Variants in RBM20 observed in about 807,000 individuals in gnomAD.
RBM20 encodes RNA-binding protein 20.
In RBM20, 51 loss-of-function variants were observed where a neutral mutation model predicts 110.1. The observed-to-expected ratio is 0.46, with a 90% confidence interval of 0.37 to 0.59. The LOEUF (loss-of-function observed/expected upper bound fraction) is 0.59. RBM20 is among the 20% of genes least tolerant of loss of function. The pLI, the probability that RBM20 is intolerant of heterozygous loss-of-function variation, is 0.00. For synonymous variants in RBM20, 589 were observed against 618.2 expected, an observed-to-expected ratio of 0.95 and a Z score of 0.70; for missense variants, 1,512 against 1,574.9, an observed-to-expected ratio of 0.96 and a Z score of 0.68.
upstream of RBM20, chr10:110,644,280 G>A (rs973672992): frequency 4.7e-6 from 2 of 427,152 alleles, no homozygotes; most frequent in Admixed American, 9.1e-5. The surrounding 1 kb of genome is among the most constrained non-coding windows in gnomAD (Gnocchi z 4.3). Context: ...CTGGAGCAGC[G>A]GGAGGAGGCG....
intron 1 of RBM20, among the ~76,000 whole-genome samples, chr10:110,768,673 C>T (rs1564840320): frequency 6.6e-6 from 1 of 152,136 alleles, no homozygotes; most frequent in Non-Finnish European, 1.5e-5. Flanking sequence ...CTAATTTGCC[C>T]AGTGTTGAGC....
intron 1 of RBM20, among the ~76,000 whole-genome samples, chr10:110,702,678 C>T (rs2134896416): frequency 6.6e-6 from 1 of 152,330 alleles, no homozygotes; most frequent in South Asian, 2.1e-4. Flanking sequence ...TGTGCCTGTC[C>T]ACCCACTAGC....
At chr10:110,830,268 A>G (rs1038605811) in intron 12 of RBM20, among the ~76,000 whole-genome samples, 10 of 151,998 alleles carry the variant, frequency 6.6e-5, no homozygotes, top group Non-Finnish European at 1.0e-4. Context: ...TTCAAGGATG[A>G]CTCCCCTGGC....
At chr10:110,736,801 C>T (rs1843675313) in intron 1 of RBM20, among the ~76,000 whole-genome samples, 1 of 152,100 alleles carries the variant, frequency 6.6e-6, no homozygotes, top group East Asian at 1.9e-4. Context: ...GAAACCTGAT[C>T]CCCAAGATGG....
chr10:110,668,489 G>A (rs186301760), intron 1 of RBM20, among the ~76,000 whole-genome samples: 3 of 152,192 alleles, frequency 2.0e-5, no homozygotes, highest in Admixed American at 1.3e-4. Context: ...TAGAAGCAGC[G>A]ACTTGGGTTG....
chr10:110,833,091 T>C (rs1166256197), intron 13 of RBM20, among the ~76,000 whole-genome samples: 1 of 152,128 alleles, frequency 6.6e-6, no homozygotes, highest in African/African-American at 2.4e-5. Flanking sequence ...TGGCATCTTT[T>C]TGAAATGCAG....
intron 1 of RBM20, among the ~76,000 whole-genome samples, chr10:110,721,626 C>G (rs932615222): frequency 6.6e-6 from 1 of 152,166 alleles, no homozygotes; most frequent in African/African-American, 2.4e-5. Flanking sequence ...TGCAGCCTCC[C>G]TAATTGGTGT....
intron 1 of RBM20, among the ~76,000 whole-genome samples, chr10:110,712,502 C>A (rs1409367778): frequency 6.6e-6 from 1 of 152,164 alleles, no homozygotes; most frequent in Non-Finnish European, 1.5e-5. Flanking sequence ...TGCGGTGGCT[C>A]ACCCCTGTAA....
intron 7 of RBM20, among the ~76,000 whole-genome samples, chr10:110,802,027 A>G (rs1844632732): frequency 6.6e-6 from 1 of 152,072 alleles, no homozygotes; most frequent in Non-Finnish European, 1.5e-5. Flanking sequence ...TCTTAACTGG[A>G]GCACGTAGTC....
intron 1 of RBM20, among the ~76,000 whole-genome samples, chr10:110,689,674 C>A (rs1232960134): frequency 1.3e-5 from 2 of 152,186 alleles, no homozygotes; most frequent in African/African-American, 4.8e-5. Flanking sequence ...CGTGGAAAGC[C>A]TTGTTTCCGA....
chr10:110,801,700 C>CTTTTTTTTT (rs61281177), intron 7 of RBM20, among the ~76,000 whole-genome samples: 17 of 116,744 alleles, frequency 1.5e-4, no homozygotes, highest in African/African-American at 4.1e-4. Flanking sequence ...TGCCTGGCTA[C>CTTTTTTTTT]TTTTTTTTTT....
At chr10:110,698,365 G>A (rs1357697064) in intron 1 of RBM20, among the ~76,000 whole-genome samples, 4 of 152,242 alleles carry the variant, frequency 2.6e-5, no homozygotes, top group Non-Finnish European at 5.9e-5. Context: ...ACCGGAAAAA[G>A]AGGCTGTGAT....
chr10:110,712,290 TGA>T lies in RBM20; in HGVS notation c.191+67646_191+67647del, dbSNP rs1434391579. 3.3e-5 allele frequency among the ~76,000 whole-genome samples: 5 copies of T among 152,310 alleles called. No homozygotes were observed. In the South Asian group the frequency reaches 1.0e-3, roughly 32 times the overall value. ...TCATCCCTAAGATATTGTGTATGTT[TGA>T]TTGTGTGGTTGTGTATAGCAGTAGC... On this transcript the variant is annotated intron_variant, in intron 1 of 13. Transcript: ENST00000369519.
chr10:110,693,974 A>G lies in RBM20; in HGVS notation c.191+49329A>G, dbSNP rs532252790. 4.1e-3 allele frequency among the ~76,000 whole-genome samples: 632 copies of G among 152,324 alleles called. 4 individuals are homozygous for G. The highest frequency in any genetic ancestry group is 0.014 in the African/African-American group (586 of 41,554). Reference sequence around the variant, plus strand: ...AATGAACCAGTGTTATATTTGGCTCAAATTTAAATTTCTCCATTTTCTTAT... The same window carrying G: ...AATGAACCAGTGTTATATTTGGCTCGAATTTAAATTTCTCCATTTTCTTAT... On this transcript the variant is annotated intron_variant, in intron 1 of 13. Coordinates refer to ENST00000369519, the MANE Select transcript of RBM20 (RefSeq NM_001134363.3).
At chr10:110,643,341 G>T (rs950584278), upstream of RBM20, among the ~76,000 whole-genome samples, 5 of 152,218 alleles carry the variant, frequency 3.3e-5, no homozygotes, top group African/African-American at 9.7e-5. Flanking sequence ...CAGGTGCCTC[G>T]CATATTCGCA....
chr10:110,738,457 T>C (rs1034246380), intron 1 of RBM20, among the ~76,000 whole-genome samples: 1 of 152,160 alleles, frequency 6.6e-6, no homozygotes, highest in African/African-American at 2.4e-5. Context: ...TGATGTTCCT[T>C]GCCCTTTCTC....
At chr10:110,786,035 C>T (rs1330626705) in intron 5 of RBM20, among the ~76,000 whole-genome samples, 5 of 152,160 alleles carry the variant, frequency 3.3e-5, no homozygotes, top group African/African-American at 1.2e-4. Context: ...TTTCGTCCTC[C>T]AAAGCTCCTA....
intron 7 of RBM20, among the ~76,000 whole-genome samples, chr10:110,803,003 T>G (rs1259740037): frequency 2.0e-5 from 3 of 152,192 alleles, no homozygotes; most frequent in Non-Finnish European, 4.4e-5. Flanking sequence ...TACATTATCT[T>G]TTCAGTCTCG....
rs145514235 is a variant in RBM20, at chr10:110,801,811, C to T, written c.1800+1893C>T. Among the ~76,000 whole-genome samples the T allele has an allele frequency of 6.7e-3, 1,007 of 151,076 alleles. 9 individuals are homozygous for T. The highest frequency in any genetic ancestry group is 0.021 in the African/African-American group (851 of 41,072). On this transcript the variant is annotated intron_variant, in intron 7 of 13. Transcript: ENST00000369519. Reference sequence around the variant, plus strand: ...CTGCCCGCCTCAGCCTCCCAAAGTGCTGGGATTACAAGCGTGAACCACCGT... The same window carrying T: ...CTGCCCGCCTCAGCCTCCCAAAGTGTTGGGATTACAAGCGTGAACCACCGT...
Sources: gnomAD v4.1 joint callset for allele counts (sites outside exome capture counted in the v4.1 genomes callset) on GRCh38, gnomAD v4.1.1 for gene constraint, Gnocchi (gnomAD v3.1) non-coding constraint, MANE v1.5 for transcripts, NCBI Gene and HGNC (gene_info 2026-07-23, HGNC 2026-07-21) for gene names.